Variants in DLGAP1 observed in about 807,000 individuals in gnomAD.
DLGAP1 encodes DLG associated protein 1, also known as disks large-associated protein 1.
DLGAP1 carries 11 observed loss-of-function variants against 90.8 expected under a neutral mutation model. The ratio of observed to expected loss-of-function variants is 0.12; its 90% CI spans 0.08 to 0.20. The LOEUF (loss-of-function observed/expected upper bound fraction) is 0.20. DLGAP1 is among the 10% of genes least tolerant of loss of function. The pLI, the probability that DLGAP1 is intolerant of heterozygous loss-of-function variation, is 1.00. For missense variants in DLGAP1, 1,050 were observed against 1,333.8 expected (o/e 0.79, Z 3.31); for synonymous variants, 558 against 540.7 (o/e 1.03, Z -0.44).
At chr18:4,168,959 A>G (rs1031352673) in intron 1 of DLGAP1, among the ~76,000 whole-genome samples, 1 of 152,206 alleles carries the variant, frequency 6.6e-6, no homozygotes, top group Admixed American at 6.5e-5. Flanking sequence ...TCTTATAGAC[A>G]CATGGGTTGT....
chr18:3,582,567 C>A (rs2055583589), intron 7 of DLGAP1, among the ~76,000 whole-genome samples: 1 of 152,044 alleles, frequency 6.6e-6, no homozygotes, highest in African/African-American at 2.4e-5. Flanking sequence ...TCCCAGCCAA[C>A]AAATTGTATA....
chr18:3,688,168 C>T (rs1248745833), intron 7 of DLGAP1, among the ~76,000 whole-genome samples: 1 of 152,130 alleles, frequency 6.6e-6, no homozygotes, highest in African/African-American at 2.4e-5. Context: ...GCCTCGGCCT[C>T]CCAAAGTGCT....
chr18:4,244,793 C>T (rs582073), intron 1 of DLGAP1, among the ~76,000 whole-genome samples: 3,629 of 152,172 alleles, frequency 0.024, 66 homozygotes, highest in African/African-American at 0.041. Context: ...TCATAGGTGC[C>T]GGGGCATAAC....
intron 1 of DLGAP1, among the ~76,000 whole-genome samples, chr18:4,236,004 G>A (rs1967427): frequency 0.051 from 7,829 of 152,150 alleles, 350 homozygotes; most frequent in Middle Eastern, 0.099. Context: ...GGGATTACAG[G>A]CATGAGCCAC....
intron 2 of DLGAP1, among the ~76,000 whole-genome samples, chr18:4,089,869 CCCCG>C (rs1222155408): frequency 1.3e-5 from 2 of 152,102 alleles, no homozygotes; most frequent in Non-Finnish European, 2.9e-5. Context: ...CACGGTGAAA[CCCCG>C]TCTCTACTAA....
Position 4,030,979 on chromosome 18 carries a change from T to C in DLGAP1, c.-158-25778A>G, listed in dbSNP as rs529259259. 5.3e-5 allele frequency among the ~76,000 whole-genome samples: 8 copies of C among 152,226 alleles called. No homozygotes were observed. In the East Asian group the frequency reaches 1.5e-3, roughly 29 times the overall value. On this transcript the variant is annotated intron_variant, in intron 2 of 12. Coordinates refer to ENST00000315677, the MANE Select transcript of DLGAP1 (RefSeq NM_004746.4). ...AGCTTTTCACAAACGGTAGCTGTTC[T>C]ATCCAGCCCATCGCCACTGGACCAC...
intron 3 of DLGAP1, among the ~76,000 whole-genome samples, chr18:3,936,019 C>G (rs1218456752): frequency 1.3e-5 from 2 of 152,208 alleles, no homozygotes; most frequent in Non-Finnish European, 2.9e-5. Flanking sequence ...GCCCACAATA[C>G]AGAGTACTCT....
At chr18:4,298,512 C>T (rs910786252) in intron 1 of DLGAP1, among the ~76,000 whole-genome samples, 1 of 152,018 alleles carries the variant, frequency 6.6e-6, no homozygotes, top group Non-Finnish European at 1.5e-5. Flanking sequence ...TCTCAGTAAA[C>T]TATCGCAAGA....
intron 3 of DLGAP1, among the ~76,000 whole-genome samples, chr18:3,926,032 C>T (rs1309661022): frequency 3.3e-5 from 5 of 152,058 alleles, no homozygotes; most frequent in South Asian, 4.2e-4. Context: ...GACAGCAATT[C>T]GGAAACATAC....
chr18:4,330,778 C>G (rs1296957137), intron 1 of DLGAP1, among the ~76,000 whole-genome samples: 1 of 151,654 alleles, frequency 6.6e-6, no homozygotes, highest in African/African-American at 2.4e-5. Flanking sequence ...TGTCTTATGG[C>G]TCAGCATCTG....
chr18:4,141,533 C>G (rs1272650572), intron 2 of DLGAP1, among the ~76,000 whole-genome samples: 2 of 151,912 alleles, frequency 1.3e-5, no homozygotes, highest in Admixed American at 1.3e-4. Context: ...GTCTTAAAGT[C>G]TTAATATTAT....
At chr18:3,918,776 T>C (rs1479559182) in intron 3 of DLGAP1, among the ~76,000 whole-genome samples, 1 of 152,074 alleles carries the variant, frequency 6.6e-6, no homozygotes, top group Admixed American at 6.6e-5. Flanking sequence ...TAGATCTTAG[T>C]GATGAGGTCT....
chr18:4,022,673 G>C (rs997158365), intron 2 of DLGAP1, among the ~76,000 whole-genome samples: 1 of 152,154 alleles, frequency 6.6e-6, no homozygotes, highest in African/African-American at 2.4e-5. Flanking sequence ...TTATTCTTGA[G>C]CACCTGAGTG....
chr18:3,917,016 T>C lies in DLGAP1; in HGVS notation c.-72-36876A>G, dbSNP rs181842854. On this transcript the variant is annotated intron_variant, in intron 3 of 12. Coordinates refer to ENST00000315677, the MANE Select transcript of DLGAP1 (RefSeq NM_004746.4). ...CAATTATTCTGTTTTTCACTTTTGG[T>C]ACAATACTCAGCAGATTACATGAGC... Among the ~76,000 whole-genome samples, 11 of 152,298 alleles carry C rather than the reference T, an allele frequency of 7.2e-5. No individual in the cohort carries two copies. The East Asian group carries it at 2.1e-3, about 29-fold the overall frequency.
At chr18:4,094,367 C>T (rs1018297026) in intron 2 of DLGAP1, among the ~76,000 whole-genome samples, 10 of 151,994 alleles carry the variant, frequency 6.6e-5, no homozygotes, top group Non-Finnish European at 7.4e-5. Context: ...TTATGGTACA[C>T]GGTTATGTAT....
chr18:4,450,675 C>T (rs1399837655), intron 1 of DLGAP1, among the ~76,000 whole-genome samples: 2 of 152,186 alleles, frequency 1.3e-5, no homozygotes, highest in African/African-American at 2.4e-5. Flanking sequence ...CCAAATCACA[C>T]ACTTTGTGGT....
intron 3 of DLGAP1, among the ~76,000 whole-genome samples, chr18:3,894,986 T>C (rs933247369): frequency 1.3e-5 from 2 of 152,224 alleles, no homozygotes; most frequent in African/African-American, 4.8e-5. Context: ...TAGGCATTTA[T>C]ACTTGCTATG....
At chr18:4,186,658 A>G (rs923970659) in intron 1 of DLGAP1, among the ~76,000 whole-genome samples, 3 of 152,152 alleles carry the variant, frequency 2.0e-5, no homozygotes, top group African/African-American at 7.2e-5. Context: ...TACCAGTACC[A>G]TACTGTTTTG....
chr18:4,346,413 A>T (rs532924087), intron 1 of DLGAP1, among the ~76,000 whole-genome samples: 2 of 152,328 alleles, frequency 1.3e-5, no homozygotes, highest in Admixed American at 6.5e-5. Flanking sequence ...ACAATGCTCA[A>T]TAAAGAGTAG....
Sources: allele counts gnomAD v4.1 joint callset (sites outside exome capture counted in the v4.1 genomes callset), GRCh38; gene constraint gnomAD v4.1.1; transcripts MANE v1.5; gene names NCBI Gene and HGNC (gene_info 2026-07-23, HGNC 2026-07-21).